The following PLAGL1 variants were observed in gnomAD, a reference collection of about 807,000 sequenced individuals.
PLAGL1 encodes zinc finger protein PLAGL1.
Under a neutral mutation model 4.6 loss-of-function variants are expected in PLAGL1, and 1 was observed. The ratio of observed to expected loss-of-function variants is 0.22; its 90% confidence interval spans 0.08 to 1.03. PLAGL1 has a LOEUF of 1.03. Among genes scored for constraint, PLAGL1 ranks in the 50% least tolerant of loss-of-function variants. The pLI is 0.58. For synonymous variants in PLAGL1, 240 were observed against 237.8 expected (o/e 1.01, Z -0.08); for missense variants, 464 against 570.4 (o/e 0.81, Z 1.90).
upstream of PLAGL1, among the ~76,000 whole-genome samples, chr6:144,011,038 T>C (rs1795142105): frequency 6.6e-6 from 1 of 152,118 alleles, no homozygotes; most frequent in South Asian, 2.1e-4. The surrounding 1 kb of genome is among the most constrained non-coding windows in gnomAD (Gnocchi z 4.3). Flanking sequence ...ATTCAGGACA[T>C]AGGCATGGGC....
chr6:144,003,007 T>G (rs560272624), intron 1 of PLAGL1, among the ~76,000 whole-genome samples: 1 of 152,150 alleles, frequency 6.6e-6, no homozygotes, highest in South Asian at 2.1e-4. Context: ...CAATACCATG[T>G]CAAGACTTAC....
chr6:143,942,691 T>C lies in PLAGL1; in HGVS notation c.153-28A>G, dbSNP rs746749261. 10 of 1,568,910 alleles carry C rather than the reference T, an allele frequency of 6.4e-6. No homozygotes were observed. The highest frequency in any genetic ancestry group is 2.2e-5 in the East Asian group (1 of 44,558). Reference sequence around the variant, plus strand: ...AGGAGCAGAAGGAGAAATTTCACAATAGAGAGTTGTTTTAAGAGCTGAAGA... The same window carrying C: ...AGGAGCAGAAGGAGAAATTTCACAACAGAGAGTTGTTTTAAGAGCTGAAGA... On this transcript the variant is annotated intron_variant, in intron 7 of 7. Transcript: ENST00000674357. This position sits in a 1 kb window ranked among gnomAD's most constrained non-coding sequence, Gnocchi z 7.6.
chr6:143,957,420 A>G lies in PLAGL1; in HGVS notation c.-325+3049T>C, dbSNP rs1221586612. On this transcript the variant is annotated intron_variant, in intron 6 of 7. Coordinates refer to ENST00000674357, the MANE Select transcript of PLAGL1 (RefSeq NM_001317162.2). The surrounding 1 kb of genome is among the most constrained non-coding windows in gnomAD (Gnocchi z 4.2). ...TCATTCCTTTATGATAGCTGAAAAT[A>G]CATCCCCCTCCTCACTCCCTAGAAA... Among the ~76,000 whole-genome samples, 1 of 152,182 alleles carries G rather than the reference A, an allele frequency of 6.6e-6. No homozygotes were observed. The highest frequency in any genetic ancestry group is 1.5e-5 in the Non-Finnish European group (1 of 68,022).
At chr6:144,021,999 T>C (rs1796010888) in intron 1 of PLAGL1, among the ~76,000 whole-genome samples, 1 of 152,122 alleles carries the variant, frequency 6.6e-6, no homozygotes, top group Non-Finnish European at 1.5e-5. Context: ...GAGGAGAAGA[T>C]AGCTTCAAAA....
chr6:143,947,807 A>AC lies in PLAGL1; in HGVS notation c.152+177dup, dbSNP rs1233210019. ...TGTTGAAAGAATGAACTGACACTGC[A>AC]CAACAAGACGGTCACATAAAACCAC... On this transcript the variant is annotated intron_variant, in intron 7 of 7. Transcript: ENST00000674357. This position sits in a 1 kb window ranked among gnomAD's most constrained non-coding sequence, Gnocchi z 4.3. Among the ~76,000 whole-genome samples the AC allele has an allele frequency of 2.0e-5, 3 of 152,226 alleles. No homozygotes were observed. Among genetic ancestry groups the AC allele is most frequent in the Admixed American group, 2.0e-4 (3 of 15,284 alleles).
intron 1 of PLAGL1, among the ~76,000 whole-genome samples, chr6:144,060,038 G>A (rs182257967): frequency 3.3e-5 from 5 of 152,070 alleles, no homozygotes; most frequent in Non-Finnish European, 5.9e-5. Flanking sequence ...CTTCCTTTCA[G>A]GAAGTTGTGC....
rs1788624941 is a variant in PLAGL1, at chr6:143,984,588, A to T, written c.-544+547T>A. On this transcript the variant is annotated intron_variant, in intron 2 of 7. Transcript: ENST00000674357. This position sits in a 1 kb window ranked among gnomAD's most constrained non-coding sequence, Gnocchi z 5.5. Reference sequence around the variant, plus strand: ...ACAGAACCTGCTAGAACAAGATTCAAGATACAGACTTAGAATCTGTCAGAG... The same window carrying T: ...ACAGAACCTGCTAGAACAAGATTCATGATACAGACTTAGAATCTGTCAGAG... 6.6e-6 allele frequency among the ~76,000 whole-genome samples: 1 copy of T among 152,144 alleles called. No homozygotes were observed. The highest frequency in any genetic ancestry group is 2.4e-5 in the African/African-American group (1 of 41,434).
intron 1 of PLAGL1, among the ~76,000 whole-genome samples, chr6:144,062,676 G>A (rs1004812139): frequency 3.9e-5 from 6 of 151,984 alleles, no homozygotes; most frequent in African/African-American, 9.7e-5. Flanking sequence ...CATCGTAGCC[G>A]GGTTATATTG....
chr6:143,996,272 C>T (rs1791588759), intron 1 of PLAGL1, among the ~76,000 whole-genome samples: 1 of 152,048 alleles, frequency 6.6e-6, no homozygotes, highest in Non-Finnish European at 1.5e-5. Context: ...CACAGAGCTG[C>T]GATGTCTGCA....
intron 1 of PLAGL1, among the ~76,000 whole-genome samples, chr6:144,049,388 CTG>C (rs1323727615): frequency 6.6e-6 from 1 of 152,186 alleles, no homozygotes; most frequent in Admixed American, 6.5e-5. Context: ...TATCAATTAA[CTG>C]TGTTAGTCAG....
At chr6:144,062,496 CA>C (rs1799507355) in intron 1 of PLAGL1, among the ~76,000 whole-genome samples, 1 of 74,406 alleles carries the variant, frequency 1.3e-5, no homozygotes, top group African/African-American at 5.4e-5. Flanking sequence ...AAAAAAAAAA[CA>C]CAGATTTGAC....
intron 1 of PLAGL1, among the ~76,000 whole-genome samples, chr6:143,987,306 T>C (rs1303787843): frequency 6.6e-6 from 1 of 152,004 alleles, no homozygotes; most frequent in Non-Finnish European, 1.5e-5. Context: ...GTGGGCTTAA[T>C]TGATCCTCCC....
At chr6:144,046,655 C>G (rs1162149240) in intron 1 of PLAGL1, among the ~76,000 whole-genome samples, 1 of 152,216 alleles carries the variant, frequency 6.6e-6, no homozygotes, top group Non-Finnish European at 1.5e-5. Flanking sequence ...CAGGGACCCA[C>G]TTGAGGAGGC....
rs1788742312 is a variant in PLAGL1 at position 143,985,195 on chromosome 6, T to G, written c.-583-21A>C. 1 of 152,192 alleles carries G rather than the reference T, an allele frequency of 6.6e-6. No homozygotes were observed. The highest frequency in any genetic ancestry group is 1.5e-5 in the Non-Finnish European group (1 of 68,028). The allele number at this position is 152,192 out of a possible 1,614,324, so 9.4% of individuals were successfully genotyped here. On this transcript the variant is annotated intron_variant, in intron 1 of 7. Transcript: ENST00000674357. The surrounding 1 kb of genome is among the most constrained non-coding windows in gnomAD (Gnocchi z 4.4). ...ACAATCTGCAAACAAAAATAAAAAT[T>G]ACTAGTTTTGTATAATATTTGCACA...
rs1490794412 is a variant in PLAGL1, at chr6:143,949,318, GTTC to G, written c.-324-861_-324-859del. Reference sequence around the variant, plus strand: ...CTCAGCCAGAGTCACCAAAAACCAGGTTCTTCTTTTTCTACCAATTGGCCATCA... The same window carrying G: ...CTCAGCCAGAGTCACCAAAAACCAGGTTCTTTTTCTACCAATTGGCCATCA... On this transcript the variant is annotated intron_variant, in intron 6 of 7. Transcript: ENST00000674357. The surrounding 1 kb of genome is among the most constrained non-coding windows in gnomAD (Gnocchi z 5.3). Among the ~76,000 whole-genome samples, 1 of 152,040 alleles carries G rather than the reference GTTC, an allele frequency of 6.6e-6. No homozygotes were observed. The highest frequency in any genetic ancestry group is 1.9e-4 in the East Asian group (1 of 5,192).
At chr6:144,057,239 A>G (rs1799040515) in intron 1 of PLAGL1, among the ~76,000 whole-genome samples, 1 of 152,248 alleles carries the variant, frequency 6.6e-6, no homozygotes, top group East Asian at 1.9e-4. Flanking sequence ...GAGAAGACCT[A>G]TATAAAGACA....
rs13195390 is a variant in PLAGL1 at position 144,055,975 on chromosome 6, T to C, written c.-151+8493A>G. 0.17 allele frequency among the ~76,000 whole-genome samples: 25,641 copies of C among 152,026 alleles called. 2,496 individuals are homozygous for C. Among genetic ancestry groups the C allele is most frequent in the Middle Eastern group, 0.27 (80 of 294 alleles). On this transcript the variant is annotated intron_variant, in intron 1 of 3. Transcript: ENST00000437412. The surrounding 1 kb of genome is among the most constrained non-coding windows in gnomAD (Gnocchi z 5.0). ...TTACTTTTGAAAGCAGATCCACCCT[T>C]TTCATAATGATATATCAGAAGTTCA...
At chr6:144,046,923 C>T (rs1478564145) in intron 1 of PLAGL1, among the ~76,000 whole-genome samples, 2 of 152,218 alleles carry the variant, frequency 1.3e-5, no homozygotes, top group Non-Finnish European at 2.9e-5. Context: ...CTCCCCCAGC[C>T]AGGCTGCCAC....
rs898152722 is a variant in PLAGL1, at chr6:143,961,750, C to T, written c.-398-1208G>A. Among the ~76,000 whole-genome samples the T allele has an allele frequency of 2.0e-5, 3 of 152,094 alleles. No homozygotes were observed. The highest frequency in any genetic ancestry group is 7.2e-5 in the African/African-American group (3 of 41,416). Reference sequence around the variant, plus strand: ...TTGTATAAAATTTTTTTTGAAAGAGCTTTAAAAAGACATTAAAGCAAAAGA... The same window carrying T: ...TTGTATAAAATTTTTTTTGAAAGAGTTTTAAAAAGACATTAAAGCAAAAGA... On this transcript the variant is annotated intron_variant, in intron 5 of 7. Coordinates refer to ENST00000674357, the MANE Select transcript of PLAGL1 (RefSeq NM_001317162.2). The surrounding 1 kb of genome is among the most constrained non-coding windows in gnomAD (Gnocchi z 6.5).
Sources: allele counts gnomAD v4.1 joint callset (sites outside exome capture counted in the v4.1 genomes callset), GRCh38; gene constraint gnomAD v4.1.1; non-coding constraint Gnocchi (gnomAD v3.1); transcripts MANE v1.5; gene names NCBI Gene and HGNC (gene_info 2026-07-23, HGNC 2026-07-21).